CAMK2G: variants seen among roughly 807,000 people sequenced by gnomAD.
The protein encoded by CAMK2G is calcium/calmodulin dependent protein kinase II gamma.
In CAMK2G, 23 loss-of-function variants were observed where a neutral mutation model predicts 88.7. The ratio of observed to expected loss-of-function variants is 0.26; its 90% CI spans 0.19 to 0.37. CAMK2G has a LOEUF of 0.37. CAMK2G is among the 10% of genes least tolerant of loss of function. The pLI is 1.00. For synonymous variants in CAMK2G, 263 were observed against 294.8 expected, an observed-to-expected ratio of 0.89 and a Z score of 1.11; for missense variants, 476 against 780.8, an observed-to-expected ratio of 0.61 and a Z score of 4.65.
chr10:73,853,417 C>T (rs1482030714), intron 3 of CAMK2G, among the ~76,000 whole-genome samples, 171 bp from the exon 4 acceptor site: 3 of 152,228 alleles, frequency 2.0e-5, no homozygotes. Flanking sequence ...CAAGGCTATG[C>T]AGCCTGGGAG....
chr10:73,816,072 A>G (rs1294276261), intron 21 of CAMK2G: 6 of 985,434 alleles, frequency 6.1e-6, no homozygotes, highest in Non-Finnish European at 7.2e-6. Flanking sequence ...GTGACTAACT[A>G]TAACTCAGGG....
intron 3 of CAMK2G, among the ~76,000 whole-genome samples, chr10:73,858,573 G>A (rs556441425): frequency 4.6e-5 from 7 of 152,168 alleles, no homozygotes; most frequent in African/African-American, 1.4e-4. Flanking sequence ...ATCGGTCCTC[G>A]GACCAACCTC....
At chr10:73,858,266 T>G (rs972879077) in intron 3 of CAMK2G, among the ~76,000 whole-genome samples, 5 of 152,374 alleles carry the variant, frequency 3.3e-5, no homozygotes, top group African/African-American at 1.2e-4. Context: ...CTTCCTCGAC[T>G]GTGCACTGTT....
intron 14 of CAMK2G, 176 bp downstream of exon 14, chr10:73,837,292 C>T (rs1041291855): frequency 2.2e-5 from 15 of 694,102 alleles, no homozygotes; most frequent in African/African-American, 7.1e-5. Flanking sequence ...AAAATACCTC[C>T]CTACTTCCCT....
chr10:73,869,013 T>C lies in CAMK2G; in HGVS notation c.160+3976A>G, dbSNP rs559380231. 5.1e-4 allele frequency among the ~76,000 whole-genome samples: 78 copies of C among 152,256 alleles called. 2 individuals are homozygous for C. In the South Asian group the frequency reaches 0.016, roughly 30 times the overall value. Reference sequence around the variant, plus strand: ...CAGCCCATGTGCACAGATGGCCACATAGTGGCAGACACACAATCTGGAGAA... The same window carrying C: ...CAGCCCATGTGCACAGATGGCCACACAGTGGCAGACACACAATCTGGAGAA... On this transcript the variant is annotated intron_variant, in intron 2 of 22. Coordinates refer to ENST00000423381, the MANE Select transcript of CAMK2G (RefSeq NM_001367534.1).
chr10:73,829,666 G>T (rs1237869337), intron 14 of CAMK2G, among the ~76,000 whole-genome samples: 1 of 135,486 alleles, frequency 7.4e-6, no homozygotes, highest in South Asian at 2.6e-4. Flanking sequence ...TCAAAAAGAA[G>T]GAGTTCCCTT....
rs199704324 is a variant in CAMK2G, at chr10:73,837,454, C to T, written c.1053+14G>A. 13 of 1,609,264 alleles carry T rather than the reference C, an allele frequency of 8.1e-6. No individual in the cohort carries two copies. The highest frequency in any genetic ancestry group is 3.3e-5 in the South Asian group (3 of 90,986). On this transcript the variant is annotated intron_variant, in intron 14 of 22. Coordinates refer to ENST00000423381, the MANE Select transcript of CAMK2G (RefSeq NM_001367534.1). ...AGAAAGAGGCCAGTCTGTTCAGAGG[C>T]TGGAGACACTTACCTTGACACCGCC...
intron 17 of CAMK2G, among the ~76,000 whole-genome samples, chr10:73,822,302 G>A (rs1056579607): frequency 6.6e-5 from 10 of 152,146 alleles, no homozygotes; most frequent in Non-Finnish European, 1.2e-4. Context: ...TGAGTAGCTG[G>A]GATTACAGGT....
At chr10:73,856,704 T>C (rs1184775243) in intron 3 of CAMK2G, among the ~76,000 whole-genome samples, 2 of 152,244 alleles carry the variant, frequency 1.3e-5, no homozygotes, top group Non-Finnish European at 2.9e-5. Flanking sequence ...GCCATGTCCA[T>C]AGACAGGAAG....
chr10:73,853,278 CAGAG>C, intron 3 of CAMK2G, 32 bp from the exon 4 acceptor site: 1 of 1,603,924 alleles, frequency 6.2e-7, no homozygotes, highest in Non-Finnish European at 8.5e-7. Flanking sequence ...CAGAGATTAA[CAGAG>C]AGAAAACTTG....
intron 3 of CAMK2G, among the ~76,000 whole-genome samples, chr10:73,857,642 C>T (rs1259378818): frequency 1.3e-5 from 2 of 152,168 alleles, no homozygotes; most frequent in Non-Finnish European, 1.5e-5. Flanking sequence ...AGACTATGAT[C>T]GAAACTGCTG....
At chr10:73,861,793 A>C (rs1329650331) in intron 2 of CAMK2G, among the ~76,000 whole-genome samples, 1 of 152,222 alleles carries the variant, frequency 6.6e-6, no homozygotes, top group East Asian at 1.9e-4. Context: ...AATGATGCTG[A>C]TAATAAAGAG....
intron 14 of CAMK2G, among the ~76,000 whole-genome samples, chr10:73,834,358 T>C (rs781196605): frequency 1.3e-5 from 2 of 152,224 alleles, no homozygotes; most frequent in Non-Finnish European, 2.9e-5. Context: ...CACCATGATA[T>C]TGAAGCTCTT....
At chr10:73,819,452 A>T (rs1467482136) in intron 19 of CAMK2G, 80 bp downstream of exon 19, 2 of 968,802 alleles carry the variant, frequency 2.1e-6, no homozygotes, top group East Asian at 5.2e-5. Flanking sequence ...GGTGGGACTG[A>T]CAGCTGTGGT....
intron 21 of CAMK2G, chr10:73,816,149 G>A (rs2085396724): frequency 2.0e-6 from 2 of 985,538 alleles, no homozygotes; most frequent in South Asian, 9.4e-5. Flanking sequence ...GTCTCATAGA[G>A]CAGAGAGAAA....
At chr10:73,867,070 T>G (rs985744653) in intron 2 of CAMK2G, among the ~76,000 whole-genome samples, 1 of 152,190 alleles carries the variant, frequency 6.6e-6, no homozygotes, top group African/African-American at 2.4e-5. Context: ...AGCTGGGGGC[T>G]GTGATACAGA....
Position 73,842,306 on chromosome 10 carries a change from C to T in CAMK2G, c.904-95G>A, listed in dbSNP as rs750929347. The stretch of plus-strand genomic sequence containing the variant: ...GCAGGTCCTGGCTAGAGCCTGAAGA[C>T]ATCAGGCCTCTGGGCCCCCTCCCCT... On this transcript the variant is annotated intron_variant, in intron 11 of 22. Transcript: ENST00000423381. This position sits in a 1 kb window ranked among gnomAD's most constrained non-coding sequence, Gnocchi z 4.6. 8.3e-7 allele frequency: 1 copy of T among 1,201,228 alleles called. No individual in the cohort carries two copies. 74.4% of individuals were successfully genotyped at this position (1,201,228 alleles called of 1,614,324 possible). A position where few individuals can be genotyped will look rare whatever the true frequency, so the allele number is the denominator to read the frequency against.
intron 17 of CAMK2G, among the ~76,000 whole-genome samples, chr10:73,823,014 A>C (rs1277449798): frequency 6.6e-6 from 1 of 151,704 alleles, no homozygotes; most frequent in Admixed American, 6.6e-5. Context: ...GGCATGTGCC[A>C]CCATCCCCAG....
intron 18 of CAMK2G, among the ~76,000 whole-genome samples, chr10:73,820,492 ATTTTTTT>A (rs1166533591): frequency 2.2e-4 from 11 of 51,058 alleles, no homozygotes; most frequent in Admixed American, 8.5e-4. Flanking sequence ...ATATATATAT[ATTTTTTT>A]TTTTTTTTTT....
Sources: gnomAD v4.1 joint callset for allele counts (sites outside exome capture counted in the v4.1 genomes callset) on GRCh38, gnomAD v4.1.1 for gene constraint, Gnocchi (gnomAD v3.1) non-coding constraint, MANE v1.5 for transcripts, NCBI Gene and HGNC (gene_info 2026-07-23, HGNC 2026-07-21) for gene names.